Variants in ERBB4 observed in about 807,000 individuals in gnomAD.
The protein encoded by ERBB4 is receptor tyrosine-protein kinase erbB-4.
ERBB4 carries 42 observed loss-of-function variants against 158.0 expected under a neutral mutation model. The observed-to-expected ratio is 0.27, with a 90% CI of 0.21 to 0.34. ERBB4 has a LOEUF of 0.34. ERBB4 is among the 10% of genes least tolerant of loss of function. The probability of loss-of-function intolerance (pLI) is 1.00; values close to 1 mark genes in which losing one functional copy is unlikely to be tolerated. For synonymous variants in ERBB4, 583 were observed against 558.7 expected, an observed-to-expected ratio of 1.04 and a Z score of -0.61; for missense variants, 1,333 against 1,624.1, an observed-to-expected ratio of 0.82 and a Z score of 3.08.
intron 19 of ERBB4, among the ~76,000 whole-genome samples, chr2:211,598,042 A>G (rs977380468): frequency 6.6e-6 from 1 of 152,180 alleles, no homozygotes; most frequent in African/African-American, 2.4e-5. Flanking sequence ...GAGCCATCTG[A>G]CATGCTTGGT....
intron 16 of ERBB4, among the ~76,000 whole-genome samples, chr2:211,648,299 AC>A (rs2070855360): frequency 6.6e-6 from 1 of 151,692 alleles, no homozygotes; most frequent in African/African-American, 2.4e-5. Context: ...TTCTTTTCTT[AC>A]CATCTGCATA....
chr2:212,322,962 A>G (rs1299698483), intron 1 of ERBB4, among the ~76,000 whole-genome samples: 1 of 150,380 alleles, frequency 6.6e-6, no homozygotes, highest in African/African-American at 2.4e-5. Flanking sequence ...TCTTGAAATC[A>G]GTACTTAAAA....
chr2:212,093,964 A>AAAAT lies in ERBB4; in HGVS notation c.234+30784_234+30787dup, dbSNP rs550912937. 4.3e-4 allele frequency among the ~76,000 whole-genome samples: 65 copies of AAAAT among 152,240 alleles called. No individual in the cohort carries two copies. In the East Asian group the frequency reaches 9.1e-3, roughly 21 times the overall value. On this transcript the variant is annotated intron_variant, in intron 2 of 27. Coordinates refer to ENST00000342788, the MANE Select transcript of ERBB4 (RefSeq NM_005235.3). ...CCTTTCCTTCCAGTAAGAGACAATG[A>AAAAT]AAATAAATAAATAAATAAAAGAAAT...
Position 211,694,838 on chromosome 2 carries a change from T to A in ERBB4, c.1489+7129A>T, listed in dbSNP as rs185332365. On this transcript the variant is annotated intron_variant, in intron 12 of 27. Transcript: ENST00000342788. ...TTTGTAAAAGCACATTTACTCAAGATAGCATGGGATGGGTTAGGAGTGCAC... is the reference window on the plus strand; with the variant it reads ...TTTGTAAAAGCACATTTACTCAAGAAAGCATGGGATGGGTTAGGAGTGCAC... 1.8e-3 allele frequency among the ~76,000 whole-genome samples: 277 copies of A among 152,242 alleles called. 1 individual carries two copies. Among genetic ancestry groups the A allele is most frequent in the African/African-American group, 6.3e-3 (263 of 41,548 alleles).
chr2:212,508,219 T>C (rs1394915666), intron 1 of ERBB4, among the ~76,000 whole-genome samples: 1 of 152,186 alleles, frequency 6.6e-6, no homozygotes, highest in Non-Finnish European at 1.5e-5. Flanking sequence ...AAACATAACT[T>C]TTATATGTGT....
chr2:211,958,397 A>T (rs1402230831), intron 2 of ERBB4, among the ~76,000 whole-genome samples: 1 of 152,136 alleles, frequency 6.6e-6, no homozygotes, highest in East Asian at 1.9e-4. Context: ...TGCAAGTCAC[A>T]ACTTTCTAAG....
chr2:211,785,455 GTTGGTGTTT>G (rs547498897), intron 4 of ERBB4, among the ~76,000 whole-genome samples: 123 of 152,282 alleles, frequency 8.1e-4, no homozygotes, highest in Admixed American at 2.1e-3. Context: ...AGCTTTTGCT[GTTGGTGTTT>G]TTGGTGTTAT....
intron 20 of ERBB4, among the ~76,000 whole-genome samples, chr2:211,461,871 G>T (rs757802441): frequency 2.6e-5 from 4 of 151,246 alleles, no homozygotes; most frequent in Admixed American, 6.6e-5. Context: ...GTGTGTATTA[G>T]TTCCTACACT....
chr2:212,093,916 G>A (rs1521549), intron 2 of ERBB4, among the ~76,000 whole-genome samples: 109,233 of 152,032 alleles, frequency 0.72, 42,489 homozygotes, highest in East Asian at 1. Context: ...AAGTTATCAC[G>A]CTGTTACTGA....
chr2:211,538,006 G>T (rs1469961439), intron 20 of ERBB4, among the ~76,000 whole-genome samples: 1 of 151,834 alleles, frequency 6.6e-6, no homozygotes, highest in Non-Finnish European at 1.5e-5. Context: ...ACAATAATTT[G>T]AGGCCAACAG....
intron 25 of ERBB4, among the ~76,000 whole-genome samples, chr2:211,408,530 T>C (rs527958672): frequency 6.6e-6 from 1 of 152,314 alleles, no homozygotes; most frequent in East Asian, 1.9e-4. Context: ...CTCTGAAACA[T>C]TCTTTAGCGC....
intron 8 of ERBB4, among the ~76,000 whole-genome samples, 173 bp downstream of exon 8, chr2:211,713,362 T>C (rs1024793295): frequency 5.3e-5 from 8 of 152,182 alleles, no homozygotes; most frequent in Admixed American, 1.3e-4. Context: ...CTCAATAATA[T>C]ACAGTGCTAT....
At chr2:211,666,977 AG>A (rs1211520037) in intron 14 of ERBB4, among the ~76,000 whole-genome samples, 2 of 152,186 alleles carry the variant, frequency 1.3e-5, no homozygotes, top group Non-Finnish European at 2.9e-5. Context: ...AGATAATGGG[AG>A]TACCTTATAT....
intron 3 of ERBB4, among the ~76,000 whole-genome samples, chr2:211,804,977 C>T (rs9808034): frequency 0.89 from 134,052 of 150,570 alleles, 59,807 homozygotes; most frequent in East Asian, 0.94. Context: ...TGGAGTGCAA[C>T]GGCATGATCT....
At chr2:212,238,766 T>C (rs1333823430) in intron 1 of ERBB4, among the ~76,000 whole-genome samples, 3 of 152,146 alleles carry the variant, frequency 2.0e-5, no homozygotes, top group South Asian at 2.1e-4. Context: ...TGGTAAATGA[T>C]ACAGCTATCA....
chr2:212,518,710 T>C (rs1044233259), intron 1 of ERBB4, among the ~76,000 whole-genome samples: 7 of 152,078 alleles, frequency 4.6e-5, no homozygotes, highest in African/African-American at 1.7e-4. Flanking sequence ...GCCCAAGTTG[T>C]TAAATGCACT....
chr2:212,048,020 T>C (rs1015820086), intron 2 of ERBB4, among the ~76,000 whole-genome samples: 2 of 152,062 alleles, frequency 1.3e-5, no homozygotes, highest in Non-Finnish European at 2.9e-5. Flanking sequence ...GAGACTTCGT[T>C]GGGGTATGAT....
At chr2:212,233,183 C>A (rs10168128) in intron 1 of ERBB4, among the ~76,000 whole-genome samples, 69,773 of 151,426 alleles carry the variant, frequency 0.46, 16,487 homozygotes, top group East Asian at 0.76. Flanking sequence ...CCATGCTTTA[C>A]ACCTGTAGAA....
chr2:212,366,663 A>G (rs1181109861), intron 1 of ERBB4, among the ~76,000 whole-genome samples: 2 of 152,018 alleles, frequency 1.3e-5, no homozygotes, highest in Admixed American at 1.3e-4. Context: ...ATAAAACATA[A>G]GATACATAAC....
Sources: allele counts gnomAD v4.1 joint callset (sites outside exome capture counted in the v4.1 genomes callset), GRCh38; gene constraint gnomAD v4.1.1; transcripts MANE v1.5; gene names NCBI Gene and HGNC (gene_info 2026-07-23, HGNC 2026-07-21).